KIAA1549L: variants seen among roughly 807,000 people sequenced by gnomAD.
KIAA1549L encodes KIAA1549 like, also known as UPF0606 protein KIAA1549L.
A neutral mutation model predicts 160.7 loss-of-function variants in KIAA1549L; 88 were observed. The observed-to-expected ratio is 0.55, with a 90% CI of 0.46 to 0.65. The LOEUF (loss-of-function observed/expected upper bound fraction) is 0.65, where lower values mean the gene tolerates loss of function less well. Ranked by LOEUF, KIAA1549L falls within the 30% of genes least tolerant of loss-of-function variation. The pLI, the probability that KIAA1549L is intolerant of heterozygous loss-of-function variation, is 0.00. For synonymous variants in KIAA1549L, 950 were observed against 976.7 expected (o/e 0.97, Z 0.51); for missense variants, 2,258 against 2,437.5 (o/e 0.93, Z 1.55).
chr11:33,579,294 C>T (rs1383565215), intron 10 of KIAA1549L, among the ~76,000 whole-genome samples: 8 of 152,108 alleles, frequency 5.3e-5, no homozygotes, highest in South Asian at 2.1e-4. Context: ...TGAATCTCTC[C>T]GTCGGTATTC....
intron 11 of KIAA1549L, among the ~76,000 whole-genome samples, chr11:33,587,611 A>C (rs1849921366): frequency 6.6e-6 from 1 of 152,246 alleles, no homozygotes; most frequent in African/African-American, 2.4e-5. Flanking sequence ...TGTGATTAAC[A>C]ACACAGGTGT....
At chr11:33,462,789 T>C (rs1320610087) in intron 1 of KIAA1549L, among the ~76,000 whole-genome samples, 1 of 152,152 alleles carries the variant, frequency 6.6e-6, no homozygotes, top group Admixed American at 6.5e-5. Flanking sequence ...TTTTTTATTT[T>C]AACATCTCCG....
intron 16 of KIAA1549L, among the ~76,000 whole-genome samples, chr11:33,620,200 G>C (rs1850921017): frequency 6.6e-6 from 1 of 152,174 alleles, no homozygotes; most frequent in Non-Finnish European, 1.5e-5. Context: ...AACTTACCTA[G>C]AACAATAGAA....
intron 16 of KIAA1549L, among the ~76,000 whole-genome samples, chr11:33,623,206 T>G (rs1851006913): frequency 6.6e-6 from 1 of 152,210 alleles, no homozygotes; most frequent in African/African-American, 2.4e-5. Context: ...GCCCTGGTGC[T>G]GCGTAATGGA....
intron 1 of KIAA1549L, among the ~76,000 whole-genome samples, chr11:33,433,702 A>T (rs878893337): frequency 6.6e-6 from 1 of 152,234 alleles, no homozygotes; most frequent in Non-Finnish European, 1.5e-5. Context: ...ATGCCCATCA[A>T]TTATAGACTG....
chr11:33,615,454 C>A (rs1850784245), intron 15 of KIAA1549L, among the ~76,000 whole-genome samples: 1 of 152,064 alleles, frequency 6.6e-6, no homozygotes, highest in South Asian at 2.1e-4. Flanking sequence ...AAGTATATAG[C>A]AAAATATCAA....
intron 19 of KIAA1549L, among the ~76,000 whole-genome samples, chr11:33,659,226 T>A (rs940388751): frequency 9.9e-5 from 15 of 152,202 alleles, no homozygotes; most frequent in Non-Finnish European, 1.2e-4. Flanking sequence ...TCCCCTTCTC[T>A]CAAAAGGTGA....
rs1336839548 is a variant in KIAA1549L, at chr11:33,670,383, G to C, written c.*2229G>C. The C allele has an allele frequency of 6.6e-6, 1 of 152,224 alleles. No individual in the cohort carries two copies. The highest frequency in any genetic ancestry group is 1.5e-5 in the Non-Finnish European group (1 of 68,050). 9.4% of individuals were successfully genotyped at this position (152,224 alleles called of 1,614,324 possible). A position where few individuals can be genotyped will look rare whatever the true frequency, so the allele number is the denominator to read the frequency against. On this transcript the variant is annotated 3_prime_UTR_variant, in exon 21 of 21. Transcript: ENST00000658780. ...TACAGTTTGCAGAGCTATGGCTCCA[G>C]AGTGCTAAGAGGGTGGAGTCACAAA...
At chr11:33,454,305 C>T (rs932437432) in intron 1 of KIAA1549L, among the ~76,000 whole-genome samples, 2 of 152,134 alleles carry the variant, frequency 1.3e-5, no homozygotes, top group South Asian at 4.1e-4. Flanking sequence ...AAATCAGAGG[C>T]AACAAATGAG....
chr11:33,486,142 T>G (rs1160012440), intron 1 of KIAA1549L, among the ~76,000 whole-genome samples: 2 of 152,202 alleles, frequency 1.3e-5, no homozygotes, highest in African/African-American at 2.4e-5. Flanking sequence ...TATACCACAA[T>G]GAAACATCAC....
In KIAA1549L at chr11:33,539,693, G is replaced by A. The variant is rs982662668; in HGVS notation, c.239-2109G>A. Among the ~76,000 whole-genome samples the A allele has an allele frequency of 2.6e-5, 4 of 152,098 alleles. No homozygotes were observed. In the South Asian group the frequency reaches 8.3e-4, roughly 32 times the overall value. On this transcript the variant is annotated intron_variant, in intron 1 of 20. Transcript: ENST00000658780. The stretch of plus-strand genomic sequence containing the variant: ...TTTTGCTATGGAGAAAGAAAGTTCC[G>A]GAGAGTCTTCCTCCAGCACTTAAAT...
At chr11:33,561,810 A>G (rs1214609748) in intron 8 of KIAA1549L, 75 bp downstream of exon 8, 2 of 1,055,806 alleles carry the variant, frequency 1.9e-6, no homozygotes, top group African/African-American at 3.2e-5. Flanking sequence ...TAGGCCATTC[A>G]TTAATAAGAT....
At chr11:33,438,667 G>A (rs1851429565) in intron 1 of KIAA1549L, among the ~76,000 whole-genome samples, 1 of 152,184 alleles carries the variant, frequency 6.6e-6, no homozygotes, top group East Asian at 1.9e-4. Flanking sequence ...TTGACTCCTT[G>A]TCACTCTTTG....
At chr11:33,495,930 G>T (rs1013099705) in intron 1 of KIAA1549L, among the ~76,000 whole-genome samples, 1 of 151,992 alleles carries the variant, frequency 6.6e-6, no homozygotes, top group African/African-American at 2.4e-5. Flanking sequence ...GTCTTCTTTT[G>T]AGAAGTGTCT....
intron 17 of KIAA1549L, among the ~76,000 whole-genome samples, chr11:33,649,601 C>T (rs992083810): frequency 6.6e-6 from 1 of 151,590 alleles, no homozygotes; most frequent in Non-Finnish European, 1.5e-5. Context: ...AGGGAGGCAT[C>T]TCCATTAGGG....
chr11:33,656,199 C>T, intron 18 of KIAA1549L, 90 bp downstream of exon 18: 1 of 914,758 alleles, frequency 1.1e-6, no homozygotes, highest in Non-Finnish European at 1.8e-6. Context: ...CGGCAAATTT[C>T]CTTCATGCTC....
intron 1 of KIAA1549L, among the ~76,000 whole-genome samples, chr11:33,389,097 A>G (rs1331015870): frequency 6.6e-6 from 1 of 152,210 alleles, no homozygotes; most frequent in African/African-American, 2.4e-5. Context: ...GACACACAAA[A>G]TGGTTTTGGT....
intron 1 of KIAA1549L, among the ~76,000 whole-genome samples, chr11:33,389,744 C>G (rs1342048423): frequency 2.0e-5 from 3 of 152,194 alleles, no homozygotes; most frequent in African/African-American, 7.2e-5. Flanking sequence ...ACAACAGTCT[C>G]CAGAGTTTGG....
At chr11:33,459,532 C>T (rs1851896308) in intron 1 of KIAA1549L, among the ~76,000 whole-genome samples, 1 of 152,158 alleles carries the variant, frequency 6.6e-6, no homozygotes, top group Non-Finnish European at 1.5e-5. Context: ...AGCAGGATAA[C>T]ATATTACATT....
Sources: allele counts gnomAD v4.1 joint callset (sites outside exome capture counted in the v4.1 genomes callset), GRCh38; gene constraint gnomAD v4.1.1; transcripts MANE v1.5; gene names NCBI Gene and HGNC (gene_info 2026-07-23, HGNC 2026-07-21).